Variants in TMBIM6 observed in about 807,000 individuals in gnomAD.
TMBIM6 encodes the protein bax inhibitor 1.
In TMBIM6, 13 loss-of-function variants were observed where a neutral mutation model predicts 31.4. That is an observed-to-expected ratio of 0.41 (90% CI 0.27 to 0.66). The LOEUF (loss-of-function observed/expected upper bound fraction) is 0.66, where lower values mean the gene tolerates loss of function less well. Ranked by LOEUF, TMBIM6 falls within the 30% of genes least tolerant of loss-of-function variation. TMBIM6 has a pLI of 0.28. For synonymous variants in TMBIM6, 85 were observed against 101.7 expected, an observed-to-expected ratio of 0.84 and a Z score of 0.99; for missense variants, 275 against 289.5, an observed-to-expected ratio of 0.95 and a Z score of 0.36.
At chr12:49,755,886 T>G in intron 4 of TMBIM6, 131 bp downstream of exon 4, 1 of 1,058,640 alleles carries the variant, frequency 9.4e-7, no homozygotes, top group Non-Finnish European at 1.3e-6. Context: ...CAGGCCAGAG[T>G]GCAGTGGCTT....
In TMBIM6 at chr12:49,761,720, T is replaced by G; in HGVS notation, c.631T>G (p.Phe211Val). Residue 211 changes from phenylalanine (F) to valine (V), a missense_variant, in exon 9 of 10, where the codon TTC becomes GTC. Physicochemically the swap from Phe to Val is conservative, Grantham distance 50. Coordinates refer to ENST00000267115, the MANE Select transcript of TMBIM6 (RefSeq NM_003217.3). ...GCCTTTCAGGCACTGCATTGATCTC[T>G]TCTTAGATTTCATTACTGTCTTCAG... The part of the protein sequence containing the change: ...QDYIWHCIDL[F>V]LDFITVFRKL... 1 of 1,614,260 alleles carries G rather than the reference T, an allele frequency of 6.2e-7. No homozygotes were observed. The highest frequency in any genetic ancestry group is 8.5e-7 in the Non-Finnish European group (1 of 1,180,038).
chr12:49,741,663 G>C (rs894618763), intron 1 of TMBIM6, 52 bp downstream of exon 1: 10 of 183,374 alleles, frequency 5.5e-5, no homozygotes, highest in South Asian at 3.1e-4. Flanking sequence ...TGGAAAGGGA[G>C]TTAGCAGTTA....
chr12:49,753,212 C>T lies in TMBIM6; in HGVS notation c.165+131C>T, dbSNP rs368367685. ...CAGTAGTTTAGGATTTAAACTCAGA[C>T]ATTAAATCAGGACATGTAAAGCCAT... On this transcript the variant is annotated intron_variant, in intron 3 of 9. Transcript: ENST00000267115. The T allele has an allele frequency of 4.6e-5, 30 of 652,646 alleles. No individual in the cohort carries two copies. The African/African-American group carries it at 5.6e-4, about 12-fold the overall frequency. The allele number at this position is 652,646 out of a possible 1,614,324, so 40.4% of individuals were successfully genotyped here.
At chr12:49,751,805 C>T (rs1945499752) in intron 1 of TMBIM6, among the ~76,000 whole-genome samples, 1 of 139,452 alleles carries the variant, frequency 7.2e-6, no homozygotes, top group Non-Finnish European at 1.5e-5. Flanking sequence ...GCCCTGTTGC[C>T]CAGGCTGGAG....
At chr12:49,742,250 C>G in intron 1 of TMBIM6, 1 of 1,608,932 alleles carries the variant, frequency 6.2e-7, no homozygotes. Context: ...GGGGCGGCCC[C>G]GCTCTTTTCG....
intron 1 of TMBIM6, among the ~76,000 whole-genome samples, chr12:49,748,575 A>G (rs1945438486): frequency 6.6e-6 from 1 of 152,226 alleles, no homozygotes; most frequent in South Asian, 2.1e-4. Flanking sequence ...TGACATGTTG[A>G]CAGCTTCTGA....
At position 49,754,443 on chromosome 12, in the gene TMBIM6, A is replaced by T. The variant is rs536276097; in HGVS notation, c.166-1192A>T. Among the ~76,000 whole-genome samples the T allele has an allele frequency of 1.2e-4, 18 of 152,352 alleles. No individual in the cohort carries two copies. The South Asian group carries it at 3.5e-3, about 30-fold the overall frequency. ...TACTGCTGTTGTAACTGTGAGTTCA[A>T]TGTTAAGGAATCAAAAATAATGTCA... is the stretch of plus-strand genomic sequence containing the variant. On this transcript the variant is annotated intron_variant, in intron 3 of 9. Coordinates refer to ENST00000267115, the MANE Select transcript of TMBIM6 (RefSeq NM_003217.3).
intron 1 of TMBIM6, chr12:49,742,120 G>C: frequency 6.2e-7 from 1 of 1,607,730 alleles, no homozygotes; most frequent in Non-Finnish European, 8.5e-7. Flanking sequence ...CTCGAGGTAG[G>C]GCCTGGCGGG....
At chr12:49,747,539 G>C (rs1471330592) in intron 1 of TMBIM6, among the ~76,000 whole-genome samples, 1 of 152,058 alleles carries the variant, frequency 6.6e-6, no homozygotes, top group African/African-American at 2.4e-5. Context: ...GAACTCCTGG[G>C]CTCAAGCGAC....
At position 49,764,727 on chromosome 12, in the gene TMBIM6, G is replaced by GA. The variant is rs1292621134; in HGVS notation, c.*1844dup. On this transcript the variant is annotated 3_prime_UTR_variant, in exon 10 of 10. Transcript: ENST00000267115. ...CAAGATATTAAAAAAAAAAAAGAAA[G>GA]AAAAAAAAAAAAACACCTACTTTTA... The GA allele has an allele frequency of 0.019, 2,165 of 113,688 alleles. 28 individuals are homozygous for GA. The highest frequency in any genetic ancestry group is 0.045 in the African/African-American group (1,309 of 28,874). The allele number at this position is 113,688 out of a possible 1,614,324, so 7.0% of individuals were successfully genotyped here. A position where few individuals can be genotyped will look rare whatever the true frequency, so the allele number is the denominator to read the frequency against.
intron 1 of TMBIM6, 132 bp downstream of exon 1, chr12:49,741,743 T>G (rs1761723424): frequency 4.4e-6 from 1 of 228,418 alleles, no homozygotes; most frequent in Admixed American, 5.2e-5. Context: ...GAGGCCCTGC[T>G]CGGAGACCAG....
At position 49,763,251 on chromosome 12, in the gene TMBIM6, A is replaced by G; in HGVS notation, c.*355A>G. 1 of 208,676 alleles carries G rather than the reference A, an allele frequency of 4.8e-6. No homozygotes were observed. 12.9% of individuals were successfully genotyped at this position (208,676 alleles called of 1,614,324 possible). Reference sequence around the variant, plus strand: ...GGCTTCATTCACCCAGTGGACCTGAACTGTTTGGTAGAGCCACCCGGCCCT... The same window carrying G: ...GGCTTCATTCACCCAGTGGACCTGAGCTGTTTGGTAGAGCCACCCGGCCCT... On this transcript the variant is annotated 3_prime_UTR_variant, in exon 10 of 10. Coordinates refer to ENST00000267115, the MANE Select transcript of TMBIM6 (RefSeq NM_003217.3).
At chr12:49,756,627 A>C (rs1377076549) in intron 4 of TMBIM6, among the ~76,000 whole-genome samples, 1 of 150,012 alleles carries the variant, frequency 6.7e-6, no homozygotes, top group Non-Finnish European at 1.5e-5. Context: ...GGGTTTCACC[A>C]TGTTGGCCAG....
At chr12:49,742,227 C>G in intron 1 of TMBIM6, 2 of 1,613,140 alleles carry the variant, frequency 1.2e-6, no homozygotes, top group South Asian at 2.2e-5. Flanking sequence ...CTGGGGCTGC[C>G]TTCCAGGCCC....
At chr12:49,758,145 T>C in intron 4 of TMBIM6, 82 bp from the exon 5 acceptor site, 1 of 1,482,774 alleles carries the variant, frequency 6.7e-7, no homozygotes, top group Non-Finnish European at 9.4e-7. Flanking sequence ...TGAGTATGCC[T>C]ATATTTCGGG....
chr12:49,749,385 G>T (rs1162125327), intron 1 of TMBIM6, among the ~76,000 whole-genome samples: 1 of 151,774 alleles, frequency 6.6e-6, no homozygotes, highest in African/African-American at 2.4e-5. Context: ...CCCATCATAA[G>T]TTGAAAATAC....
chr12:49,749,830 A>G (rs942886436), intron 1 of TMBIM6: 1 of 152,080 alleles, frequency 6.6e-6, no homozygotes, highest in Non-Finnish European at 1.5e-5. Context: ...ATGAGTATCA[A>G]TTTCTCCCAG....
At chr12:49,758,188 T>C (rs757619638) in intron 4 of TMBIM6, 39 bp from the exon 5 acceptor site, 11 of 1,612,706 alleles carry the variant, frequency 6.8e-6, no homozygotes, top group Non-Finnish European at 8.5e-6. Context: ...TATTCAAGAA[T>C]TGATCGTAAT....
At chr12:49,761,922 C>A in intron 9 of TMBIM6, 143 bp downstream of exon 9, 4 of 691,852 alleles carry the variant, frequency 5.8e-6, no homozygotes, top group Non-Finnish European at 6.9e-6. Flanking sequence ...AGAGGTAAGC[C>A]AGAAGTCTTC....
Sources: allele counts gnomAD v4.1 joint callset (sites outside exome capture counted in the v4.1 genomes callset), GRCh38; gene constraint gnomAD v4.1.1; transcripts MANE v1.5; gene names NCBI Gene and HGNC (gene_info 2026-07-23, HGNC 2026-07-21).